The following GKAP1 variants were observed in gnomAD, a reference collection of about 807,000 sequenced individuals.
The protein encoded by GKAP1 is G kinase anchoring protein 1.
In GKAP1, 31 loss-of-function variants were observed where a neutral mutation model predicts 56.7. The observed-to-expected ratio is 0.55, with a 90% CI of 0.41 to 0.74. GKAP1 has a LOEUF of 0.74. Ranked by LOEUF, GKAP1 falls within the 30% of genes least tolerant of loss-of-function variation. GKAP1 has a pLI of 0.00. For missense variants in GKAP1, 364 were observed against 402.3 expected (o/e 0.90, Z 0.82); for synonymous variants, 151 against 138.6 (o/e 1.09, Z -0.63).
At chr9:83,762,364 T>C (rs568409013) in intron 8 of GKAP1, among the ~76,000 whole-genome samples, 79 of 152,018 alleles carry the variant, frequency 5.2e-4, no homozygotes, top group Middle Eastern at 3.4e-3. Flanking sequence ...AAGATCTCCA[T>C]AATGAAAACT....
At chr9:83,809,487 C>G (rs1944479551) in intron 2 of GKAP1, among the ~76,000 whole-genome samples, 1 of 152,252 alleles carries the variant, frequency 6.6e-6, no homozygotes. Flanking sequence ...TACCCATTAT[C>G]ATAGACAGGC....
chr9:83,767,347 A>G (rs74374683), intron 8 of GKAP1, among the ~76,000 whole-genome samples: 1,778 of 151,774 alleles, frequency 0.012, 39 homozygotes, highest in African/African-American at 0.04. Flanking sequence ...TGGGTTTTAT[A>G]CAGTCTCTGT....
intron 3 of GKAP1, among the ~76,000 whole-genome samples, chr9:83,805,725 CTGGTTATATCTA>C (rs1424500337): frequency 6.6e-6 from 1 of 152,124 alleles, no homozygotes; most frequent in African/African-American, 2.4e-5. Context: ...GGTTATATCT[CTGGTTATATCTA>C]TAAATGACCT....
At chr9:83,804,630 T>G (rs984456531) in intron 3 of GKAP1, among the ~76,000 whole-genome samples, 6 of 101,578 alleles carry the variant, frequency 5.9e-5, no homozygotes, top group South Asian at 3.7e-4. Context: ...GTGGGGGGGG[T>G]CAGCCCCCCG....
In GKAP1 at chr9:83,775,102, C is replaced by T. The variant is rs111590191; in HGVS notation, c.585+5280G>A. Among the ~76,000 whole-genome samples the T allele has an allele frequency of 6.6e-5, 10 of 151,732 alleles. 1 individual carries two copies. The highest frequency in any genetic ancestry group is 2.4e-4 in the African/African-American group (10 of 41,396). On this transcript the variant is annotated intron_variant, in intron 7 of 12. Transcript: ENST00000376371. ...TAGCTCATCCTGGAATTCCTGAGCT[C>T]AAATGATCTTCCTGCCTCAGCATCC...
intron 10 of GKAP1, among the ~76,000 whole-genome samples, chr9:83,746,943 T>C (rs1055783159): frequency 3.9e-5 from 6 of 152,190 alleles, no homozygotes; most frequent in Non-Finnish European, 8.8e-5. Context: ...AAACCATTTT[T>C]GGTATTTTGT....
intron 4 of GKAP1, among the ~76,000 whole-genome samples, chr9:83,795,549 G>A (rs530266064): frequency 6.7e-6 from 1 of 148,950 alleles, no homozygotes; most frequent in Non-Finnish European, 1.5e-5. Context: ...AAGGATAATG[G>A]TGGTATACTC....
intron 2 of GKAP1, among the ~76,000 whole-genome samples, chr9:83,813,444 T>G (rs1454082533): frequency 2.0e-5 from 3 of 152,206 alleles, no homozygotes; most frequent in Non-Finnish European, 2.9e-5. Flanking sequence ...CTCCTCCCTT[T>G]GAGTTCCTTT....
chr9:83,804,633 G>GC (rs1285139699), intron 3 of GKAP1, among the ~76,000 whole-genome samples: 3 of 133,386 alleles, frequency 2.2e-5, no homozygotes, highest in East Asian at 2.5e-4. Context: ...GGGGGGGTCA[G>GC]CCCCCCGCCT....
At chr9:83,784,145 T>C (rs1944024274) in intron 6 of GKAP1, among the ~76,000 whole-genome samples, 1 of 151,786 alleles carries the variant, frequency 6.6e-6, no homozygotes, top group South Asian at 2.1e-4. Context: ...CATAGGCCTG[T>C]AGTCCTAGCT....
At chr9:83,779,576 T>C (rs1288735204) in intron 7 of GKAP1, among the ~76,000 whole-genome samples, 1 of 86,206 alleles carries the variant, frequency 1.2e-5, no homozygotes, top group African/African-American at 7.9e-5. Flanking sequence ...TATACACACA[T>C]ATATATACAC....
chr9:83,753,907 G>A (rs1377982011), intron 8 of GKAP1, among the ~76,000 whole-genome samples: 1 of 152,118 alleles, frequency 6.6e-6, no homozygotes, highest in East Asian at 1.9e-4. Context: ...TTGTAAATAG[G>A]AAGGCTACAG....
intron 12 of GKAP1, among the ~76,000 whole-genome samples, chr9:83,741,602 AT>A: frequency 6.6e-6 from 1 of 152,130 alleles, no homozygotes; most frequent in South Asian, 2.1e-4. Context: ...AAGGGAAAAT[AT>A]ATATTTACAA....
chr9:83,800,953 A>C (rs1030629498), intron 3 of GKAP1, among the ~76,000 whole-genome samples: 1 of 152,238 alleles, frequency 6.6e-6, no homozygotes, highest in East Asian at 1.9e-4. Context: ...GCACATTTGA[A>C]GTGTTCAATT....
chr9:83,796,913 A>C (rs1351591047), intron 4 of GKAP1, among the ~76,000 whole-genome samples: 1 of 152,224 alleles, frequency 6.6e-6, no homozygotes, highest in African/African-American at 2.4e-5. Context: ...TTTTTATTAA[A>C]GCAAAACATA....
chr9:83,768,995 C>T (rs1943711326), intron 7 of GKAP1, 25 bp from the exon 8 acceptor site: 1 of 1,593,388 alleles, frequency 6.3e-7, no homozygotes, highest in Non-Finnish European at 8.6e-7. Context: ...TTACGATTTA[C>T]TATCATTCAA....
intron 4 of GKAP1, among the ~76,000 whole-genome samples, chr9:83,791,075 G>T (rs975234715): frequency 6.6e-6 from 1 of 152,096 alleles, no homozygotes; most frequent in African/African-American, 2.4e-5. Flanking sequence ...TGTTAAGGCA[G>T]TTCATTCTAA....
At chr9:83,782,757 C>T (rs1943997015) in intron 6 of GKAP1, among the ~76,000 whole-genome samples, 1 of 150,440 alleles carries the variant, frequency 6.6e-6, no homozygotes, top group African/African-American at 2.5e-5. Context: ...ACCTCCACCT[C>T]CCCGGTTCAA....
intron 8 of GKAP1, among the ~76,000 whole-genome samples, chr9:83,765,032 T>C (rs1203155284): frequency 6.6e-6 from 1 of 152,164 alleles, no homozygotes; most frequent in Admixed American, 6.5e-5. Flanking sequence ...TCAGAGACCT[T>C]CACAGAAGCC....
Sources: gnomAD v4.1 joint callset for allele counts (sites outside exome capture counted in the v4.1 genomes callset) on GRCh38, gnomAD v4.1.1 for gene constraint, MANE v1.5 for transcripts, NCBI Gene and HGNC (gene_info 2026-07-23, HGNC 2026-07-21) for gene names.